NAA38: variants seen among roughly 807,000 people sequenced by gnomAD.
NAA38 encodes N-alpha-acetyltransferase 38, NatC auxiliary subunit.
In NAA38, 15 loss-of-function variants were observed where a neutral mutation model predicts 12.6. That is an observed-to-expected ratio of 1.19 (90% CI 0.79 to 1.83). The LOEUF (loss-of-function observed/expected upper bound fraction) is 1.83, where lower values mean the gene tolerates loss of function less well. NAA38 is among the 40% of genes most tolerant of loss of function. The pLI is 0.00. For synonymous variants in NAA38, 88 were observed against 69.9 expected, an observed-to-expected ratio of 1.26 and a Z score of -1.29; for missense variants, 183 against 171.7, an observed-to-expected ratio of 1.07 and a Z score of -0.37.
At chr17:7,872,342 T>G (rs1967100375) in intron 2 of NAA38, among the ~76,000 whole-genome samples, 1 of 152,168 alleles carries the variant, frequency 6.6e-6, no homozygotes, top group African/African-American at 2.4e-5. Flanking sequence ...AATTTTTTGG[T>G]CTTGCTGAAT....
chr17:7,875,674 C>A (rs1967163851), intron 2 of NAA38, among the ~76,000 whole-genome samples: 1 of 152,060 alleles, frequency 6.6e-6, no homozygotes, highest in African/African-American at 2.4e-5. Context: ...AATTAATATA[C>A]CTTATTCACC....
At chr17:7,857,934 C>A (rs556964208), upstream of NAA38, 355 of 1,430,626 alleles carry the variant, frequency 2.5e-4, no homozygotes, top group Admixed American at 1.5e-3. Flanking sequence ...TACTACGTTT[C>A]CCGTGAACAC....
At chr17:7,883,163 C>T (rs936156367) in intron 2 of NAA38, 1 of 152,060 alleles carries the variant, frequency 6.6e-6, no homozygotes, top group Admixed American at 6.6e-5. Flanking sequence ...ACCACTTTAC[C>T]ATAAACACTG....
At chr17:7,878,434 T>C (rs1597883598) in intron 2 of NAA38, among the ~76,000 whole-genome samples, 1 of 150,792 alleles carries the variant, frequency 6.6e-6, no homozygotes, top group African/African-American at 2.4e-5. Flanking sequence ...TTCATTGTGC[T>C]GAGTAAGGAC....
At chr17:7,857,244 C>T in intron 1 of NAA38, 46 bp from the exon 2 acceptor site, 7 of 1,610,264 alleles carry the variant, frequency 4.3e-6, no homozygotes, top group Non-Finnish European at 5.9e-6. Flanking sequence ...CCCAGGCTGC[C>T]CGCCCGCGGA....
At chr17:7,858,081 T>C (rs993734292), upstream of NAA38, 20 of 1,606,006 alleles carry the variant, frequency 1.2e-5, no homozygotes, top group African/African-American at 2.5e-4. Flanking sequence ...AGTGAGTACG[T>C]GCTGAGGAGC....
chr17:7,884,933 G>C (rs776877158), intron 1 of NAA38: 1 of 1,399,988 alleles, frequency 7.1e-7, no homozygotes, highest in Non-Finnish European at 9.4e-7. Flanking sequence ...CGACGAGGAC[G>C]ATGAGGAGGA....
At chr17:7,859,396 G>A (rs1407786352), upstream of NAA38, 1 of 1,614,042 alleles carries the variant, frequency 6.2e-7, no homozygotes, top group African/African-American at 1.3e-5. Flanking sequence ...GGGTTCTGGA[G>A]TCCATATGGG....
chr17:7,858,489 G>A, upstream of NAA38: 1 of 1,614,182 alleles, frequency 6.2e-7, no homozygotes. Context: ...CGTGAGTTAT[G>A]CTGGAACCTG....
At chr17:7,861,763 T>C (rs1272583709), upstream of NAA38, 1 of 152,242 alleles carries the variant, frequency 6.6e-6, no homozygotes, top group East Asian at 1.9e-4. Context: ...CATTTCCACT[T>C]CTGACTTCCA....
chr17:7,873,865 T>C (rs983700095), intron 2 of NAA38, among the ~76,000 whole-genome samples: 5 of 152,208 alleles, frequency 3.3e-5, no homozygotes, highest in African/African-American at 4.8e-5. Flanking sequence ...ATAGGTATCC[T>C]TTTCTTTAAA....
intron 3 of NAA38, among the ~76,000 whole-genome samples, chr17:7,866,328 T>G (rs1283430485): frequency 6.7e-6 from 1 of 149,504 alleles, no homozygotes; most frequent in Non-Finnish European, 1.5e-5. Flanking sequence ...CAGGATGGTC[T>G]TGATCTCCTG....
chr17:7,859,705 T>A, upstream of NAA38: 1 of 1,117,164 alleles, frequency 9.0e-7, no homozygotes, highest in Non-Finnish European at 1.3e-6. Context: ...GAGGGGTGCC[T>A]GGACCCAGAT....
chr17:7,882,094 C>T (rs1276020434), intron 2 of NAA38, among the ~76,000 whole-genome samples: 1 of 152,000 alleles, frequency 6.6e-6, no homozygotes, highest in African/African-American at 2.4e-5. Flanking sequence ...GAGAATAAGG[C>T]AAATTAGCAA....
upstream of NAA38, chr17:7,859,121 T>C (rs2078862162): frequency 3.5e-6 from 2 of 575,788 alleles, no homozygotes; most frequent in African/African-American, 1.9e-5. Flanking sequence ...AATTGGACTT[T>C]CTTTTTAATC....
chr17:7,877,210 A>G (rs556428649), intron 2 of NAA38: 34 of 207,850 alleles, frequency 1.6e-4, no homozygotes, highest in Non-Finnish European at 2.6e-4. Flanking sequence ...AGAATTATCA[A>G]TGAAGCAAAC....
chr17:7,858,826 T>C (rs778779393), upstream of NAA38: 3 of 1,527,446 alleles, frequency 2.0e-6, no homozygotes, highest in Non-Finnish European at 2.6e-6. Flanking sequence ...ACACTGGAGG[T>C]GAGAACTGGT....
At chr17:7,858,349 T>C (rs1327304770), upstream of NAA38, 3 of 1,614,030 alleles carry the variant, frequency 1.9e-6, no homozygotes, top group Admixed American at 1.7e-5. Context: ...ACGCGCGCGT[T>C]TGCCTGGTTC....
chr17:7,858,034 C>A, upstream of NAA38: 1 of 1,548,708 alleles, frequency 6.5e-7, no homozygotes, highest in Non-Finnish European at 8.7e-7. Flanking sequence ...TAAACGCTCT[C>A]CCCTCGGCTC....
Sources: gnomAD v4.1 joint callset for allele counts (sites outside exome capture counted in the v4.1 genomes callset) on GRCh38, gnomAD v4.1.1 for gene constraint, MANE v1.5 for transcripts, NCBI Gene and HGNC (gene_info 2026-07-23, HGNC 2026-07-21) for gene names.